IPCEF1: variants seen among roughly 807,000 people sequenced by gnomAD.
The protein encoded by IPCEF1 is interaction protein for cytohesin exchange factors 1.
IPCEF1 carries 31 observed loss-of-function variants against 50.9 expected under a neutral mutation model. The observed-to-expected ratio is 0.61, with a 90% confidence interval of 0.46 to 0.82. The LOEUF (loss-of-function observed/expected upper bound fraction) is 0.82, where lower values mean the gene tolerates loss of function less well. IPCEF1 is among the 40% of genes least tolerant of loss of function. IPCEF1 has a pLI of 0.00. For missense variants in IPCEF1, 458 were observed against 514.0 expected (o/e 0.89, Z 1.05); for synonymous variants, 181 against 192.0 (o/e 0.94, Z 0.47).
At chr6:154,209,886 T>C (rs6941653) in intron 9 of IPCEF1, among the ~76,000 whole-genome samples, 7,954 of 152,274 alleles carry the variant, frequency 0.052, 302 homozygotes, top group East Asian at 0.2. Flanking sequence ...TAGAAAATGT[T>C]AGCATTAATG....
At chr6:154,198,824 T>A (rs550979925) in intron 10 of IPCEF1, among the ~76,000 whole-genome samples, 1 of 152,238 alleles carries the variant, frequency 6.6e-6, no homozygotes, top group African/African-American at 2.4e-5. Context: ...CTCTGGCAAG[T>A]GATTATGAGA....
At chr6:154,265,456 T>C (rs990415503) in intron 3 of IPCEF1, among the ~76,000 whole-genome samples, 2 of 151,516 alleles carry the variant, frequency 1.3e-5, no homozygotes, top group Non-Finnish European at 3.0e-5. Flanking sequence ...AATTTTTGTA[T>C]TTTTAGTACA....
At chr6:154,190,422 A>G (rs1045551267) in intron 10 of IPCEF1, among the ~76,000 whole-genome samples, 2 of 152,224 alleles carry the variant, frequency 1.3e-5, no homozygotes, top group Non-Finnish European at 2.9e-5. Flanking sequence ...GCTCAACATC[A>G]TGAGTCATTA....
rs534905469 is a variant in IPCEF1, at chr6:154,172,440, A to G, written c.911-4327T>C. On this transcript the variant is annotated intron_variant, in intron 10 of 11. Transcript: ENST00000367220. ...AGGAATGATACACTTCTACCCAAATACTGTGCTTTTCCCACAGTCTTCGCA... is the reference window on the plus strand; with the variant it reads ...AGGAATGATACACTTCTACCCAAATGCTGTGCTTTTCCCACAGTCTTCGCA... 5.8e-3 allele frequency among the ~76,000 whole-genome samples: 881 copies of G among 152,142 alleles called. 11 individuals carry two copies. Among genetic ancestry groups the G allele is most frequent in the African/African-American group, 0.021 (854 of 41,490 alleles).
intron 1 of IPCEF1, among the ~76,000 whole-genome samples, chr6:154,307,052 G>T (rs889846846): frequency 1.3e-5 from 2 of 152,110 alleles, no homozygotes; most frequent in African/African-American, 4.8e-5. Context: ...AGGTGCCACA[G>T]GTTTGGTTTT....
chr6:154,210,341 A>G (rs1777865311), intron 9 of IPCEF1, among the ~76,000 whole-genome samples: 1 of 152,212 alleles, frequency 6.6e-6, no homozygotes, highest in African/African-American at 2.4e-5. Context: ...GTGAGGGAGA[A>G]TGAACTTGAG....
chr6:154,342,433 C>T (rs779327283), intron 1 of IPCEF1, among the ~76,000 whole-genome samples: 20 of 152,242 alleles, frequency 1.3e-4, no homozygotes, highest in African/African-American at 3.1e-4. Flanking sequence ...ACTACCTACT[C>T]ACCCCTCTCC....
intron 1 of IPCEF1, among the ~76,000 whole-genome samples, chr6:154,306,298 T>C (rs888105724): frequency 2.0e-5 from 3 of 152,238 alleles, no homozygotes; most frequent in Admixed American, 2.0e-4. Flanking sequence ...ATATAAACTT[T>C]CAGAGACAGA....
At chr6:154,215,959 A>G (rs1191927340) in intron 7 of IPCEF1, among the ~76,000 whole-genome samples, 1 of 152,252 alleles carries the variant, frequency 6.6e-6, no homozygotes, top group Non-Finnish European at 1.5e-5. Context: ...AAACTTAAAA[A>G]TATTATTGAT....
chr6:154,241,866 C>T (rs1205593116), intron 5 of IPCEF1, among the ~76,000 whole-genome samples: 1 of 152,196 alleles, frequency 6.6e-6, no homozygotes, highest in Admixed American at 6.5e-5. Flanking sequence ...ACTATCACTA[C>T]ATGTCTCAGT....
At chr6:154,344,805 G>A (rs1262867110) in intron 1 of IPCEF1, among the ~76,000 whole-genome samples, 1 of 152,098 alleles carries the variant, frequency 6.6e-6, no homozygotes, top group Non-Finnish European at 1.5e-5. Flanking sequence ...CAGGCTCCTG[G>A]ATCATGCTCT....
At chr6:154,208,255 GCTC>G (rs1777666899) in intron 9 of IPCEF1, among the ~76,000 whole-genome samples, 1 of 152,144 alleles carries the variant, frequency 6.6e-6, no homozygotes, top group African/African-American at 2.4e-5. Flanking sequence ...GCCACAGAGG[GCTC>G]CTTGCAGTAC....
chr6:154,247,513 A>G (rs746288582), intron 3 of IPCEF1, 25 bp from the exon 4 acceptor site: 65 of 1,607,448 alleles, frequency 4.0e-5, no homozygotes, highest in Non-Finnish European at 4.9e-5. Flanking sequence ...AGGAAAGAAA[A>G]GAGGAAATTT....
chr6:154,276,059 C>T (rs1269622194), intron 2 of IPCEF1, among the ~76,000 whole-genome samples: 2 of 152,078 alleles, frequency 1.3e-5, no homozygotes, highest in African/African-American at 4.8e-5. Context: ...TGGCAGGTGC[C>T]TGTAATCCCA....
intron 7 of IPCEF1, chr6:154,217,259 G>C (rs1294431048): frequency 6.2e-6 from 1 of 160,604 alleles, no homozygotes; most frequent in Non-Finnish European, 1.4e-5. Flanking sequence ...TTTAGATGTA[G>C]ATTCTCTGGT....
intron 8 of IPCEF1, 121 bp from the exon 9 acceptor site, chr6:154,212,976 T>C: frequency 8.5e-6 from 6 of 708,660 alleles, no homozygotes; most frequent in South Asian, 6.8e-5. Flanking sequence ...AAAGTTCATA[T>C]CTAATGAACT....
At chr6:154,331,771 C>T (rs913206117) in intron 1 of IPCEF1, among the ~76,000 whole-genome samples, 2 of 152,098 alleles carry the variant, frequency 1.3e-5, no homozygotes, top group African/African-American at 2.4e-5. Flanking sequence ...TACAGCTCTA[C>T]TAAACACATA....
At chr6:154,254,109 CT>C (rs1227400097) in intron 3 of IPCEF1, among the ~76,000 whole-genome samples, 1 of 152,052 alleles carries the variant, frequency 6.6e-6, no homozygotes, top group Non-Finnish European at 1.5e-5. Context: ...ATTTTTACTA[CT>C]TTTTTTAATT....
intron 5 of IPCEF1, among the ~76,000 whole-genome samples, chr6:154,236,526 TA>T (rs1182983340): frequency 6.6e-6 from 1 of 152,210 alleles, no homozygotes; most frequent in Non-Finnish European, 1.5e-5. Context: ...ACTGTACCCT[TA>T]AAAATGGCTA....
Sources: allele counts gnomAD v4.1 joint callset (sites outside exome capture counted in the v4.1 genomes callset), GRCh38; gene constraint gnomAD v4.1.1; transcripts MANE v1.5; gene names NCBI Gene and HGNC (gene_info 2026-07-23, HGNC 2026-07-21).